Variants in PDE10A observed in about 807,000 individuals in gnomAD.
PDE10A encodes cAMP and cAMP-inhibited cGMP 3',5'-cyclic phosphodiesterase 10A.
In PDE10A, 39 loss-of-function variants were observed where a neutral mutation model predicts 97.7. That is an observed-to-expected ratio of 0.40 (90% CI 0.31 to 0.52). The LOEUF (loss-of-function observed/expected upper bound fraction) is 0.52. Among genes scored for constraint, PDE10A ranks in the 20% least tolerant of loss-of-function variants. The pLI is 0.56. For missense variants in PDE10A, 731 were observed against 1,047.8 expected, an observed-to-expected ratio of 0.70 and a Z score of 4.17; for synonymous variants, 371 against 376.8, an observed-to-expected ratio of 0.98 and a Z score of 0.18.
At position 165,748,805 on chromosome 6, in the gene PDE10A, AGTTTGTGTGTGT is replaced by A. The variant is rs938536747; in HGVS notation, c.-614-205249_-614-205238del. ...AAATCAGTGCCAAATTATAGAAAGA[AGTTTGTGTGTGT>A]GTGTGTGTGTGTGTGTGATTTCACT... On this transcript the variant is annotated intron_variant, in intron 1 of 19. Coordinates refer to the PDE10A transcript ENST00000366882. Among the ~76,000 whole-genome samples the A allele has an allele frequency of 1.6e-3, 206 of 128,400 alleles. 1 individual carries two copies. Among genetic ancestry groups the A allele is most frequent in the Non-Finnish European group, 2.3e-3 (145 of 63,844 alleles). 84.2% of individuals were successfully genotyped at this position (128,400 alleles called of 152,430 possible). A position where few individuals can be genotyped will look rare whatever the true frequency, so the allele number is the denominator to read the frequency against.
At chr6:165,723,749 G>A (rs1269279778) in intron 1 of PDE10A, among the ~76,000 whole-genome samples, 1 of 152,150 alleles carries the variant, frequency 6.6e-6, no homozygotes, top group African/African-American at 2.4e-5. Flanking sequence ...CTCTGTTTAC[G>A]ACATGAATTC....
chr6:165,674,541 C>T (rs1266961667), intron 1 of PDE10A, among the ~76,000 whole-genome samples: 2 of 152,134 alleles, frequency 1.3e-5, no homozygotes, highest in Admixed American at 6.5e-5. Flanking sequence ...AGCAAATGCC[C>T]GCCAACGACT....
At chr6:165,952,683 C>CG (rs1257037959) in intron 1 of PDE10A, among the ~76,000 whole-genome samples, 2 of 152,198 alleles carry the variant, frequency 1.3e-5, no homozygotes, top group Admixed American at 6.5e-5. Flanking sequence ...GGGCTCTGCA[C>CG]GGGACGGAAA....
rs372286815 is a variant in PDE10A, at chr6:165,525,074, A to G, written c.994+18366T>C. Among the ~76,000 whole-genome samples, 6 of 152,114 alleles carry G rather than the reference A, an allele frequency of 3.9e-5. No homozygotes were observed. In the East Asian group the frequency reaches 5.8e-4, roughly 15 times the overall value. Reference sequence around the variant, plus strand: ...AGGGAAAATGATGTTGATTCTCCTCAGGAGCCACCCCCAATACTCCTTTGC... The same window carrying G: ...AGGGAAAATGATGTTGATTCTCCTCGGGAGCCACCCCCAATACTCCTTTGC... On this transcript the variant is annotated intron_variant, in intron 2 of 21. Coordinates refer to ENST00000539869, the MANE Select transcript of PDE10A (RefSeq NM_001385079.1).
intron 1 of PDE10A, among the ~76,000 whole-genome samples, chr6:165,734,087 C>T (rs541240360): frequency 1.8e-4 from 27 of 152,272 alleles, no homozygotes; most frequent in African/African-American, 5.1e-4. Context: ...GAAAAATGAA[C>T]GTAGAAGGAC....
At chr6:165,887,860 A>T (rs1781670496) in intron 1 of PDE10A, among the ~76,000 whole-genome samples, 1 of 152,186 alleles carries the variant, frequency 6.6e-6, no homozygotes, top group South Asian at 2.1e-4. Context: ...AATTCCAATG[A>T]CATCATTACT....
At chr6:165,811,051 C>T (rs959699453) in intron 1 of PDE10A, among the ~76,000 whole-genome samples, 1 of 152,076 alleles carries the variant, frequency 6.6e-6, no homozygotes, top group South Asian at 2.1e-4. Context: ...TGGTGAAACC[C>T]CATCTCTACT....
chr6:165,619,739 C>CCAGTG (rs1788033491), intron 1 of PDE10A, among the ~76,000 whole-genome samples: 1 of 150,034 alleles, frequency 6.7e-6, no homozygotes, highest in Non-Finnish European at 1.5e-5. Context: ...GTAGTGTAGT[C>CCAGTG]TAGTGCAGTG....
intron 1 of PDE10A, among the ~76,000 whole-genome samples, chr6:165,619,412 G>A (rs1787952759): frequency 1.7e-5 from 2 of 119,124 alleles, no homozygotes; most frequent in East Asian, 2.3e-4. Context: ...GTGTAGTCTA[G>A]TGTAGTGTAG....
chr6:165,774,606 G>T (rs1778114488), intron 1 of PDE10A, among the ~76,000 whole-genome samples: 1 of 146,876 alleles, frequency 6.8e-6, no homozygotes, highest in Admixed American at 6.8e-5. Context: ...GTATATAAAA[G>T]TATATAATAT....
intron 9 of PDE10A, among the ~76,000 whole-genome samples, chr6:165,429,610 A>G (rs528701291): frequency 6.6e-6 from 1 of 152,200 alleles, no homozygotes; most frequent in African/African-American, 2.4e-5. Context: ...GAAAAACTAC[A>G]TTATTCCTTT....
chr6:165,388,233 A>G lies in PDE10A; in HGVS notation c.2610+65T>C. 6.8e-7 allele frequency: 1 copy of G among 1,473,976 alleles called. No homozygotes were observed. The highest frequency in any genetic ancestry group is 2.3e-5 in the East Asian group (1 of 43,968). The allele number at this position is 1,473,976 out of a possible 1,614,324, so 91.3% of individuals were successfully genotyped here. On this transcript the variant is annotated intron_variant, in intron 17 of 21. Transcript: ENST00000539869. This position sits in a 1 kb window ranked among gnomAD's most constrained non-coding sequence, Gnocchi z 4.0. Reference sequence around the variant, plus strand: ...CCATAATGATCTTCCTTTTCCACCTATGAAGTATCCCTATCTCCCAGACAG... The same window carrying G: ...CCATAATGATCTTCCTTTTCCACCTGTGAAGTATCCCTATCTCCCAGACAG...
intron 1 of PDE10A, among the ~76,000 whole-genome samples, chr6:165,898,961 A>C (rs1416432058): frequency 6.6e-6 from 1 of 152,102 alleles, no homozygotes; most frequent in African/African-American, 2.4e-5. Context: ...AAGTCATCTG[A>C]TCCAAAGGCC....
chr6:165,562,135 G>C (rs1385917353), intron 1 of PDE10A, among the ~76,000 whole-genome samples: 1 of 151,884 alleles, frequency 6.6e-6, no homozygotes, highest in African/African-American at 2.4e-5. Flanking sequence ...TAAATGACTA[G>C]ACCAGCATGA....
chr6:165,633,900 A>G (rs1788751585), intron 1 of PDE10A, among the ~76,000 whole-genome samples: 1 of 152,054 alleles, frequency 6.6e-6, no homozygotes, highest in Admixed American at 6.6e-5. Context: ...TCCATAATAG[A>G]TATTTTTGAA....
At chr6:165,742,546 G>A (rs1792752046) in intron 1 of PDE10A, among the ~76,000 whole-genome samples, 1 of 152,148 alleles carries the variant, frequency 6.6e-6, no homozygotes, top group African/African-American at 2.4e-5. Flanking sequence ...CTCACACAGA[G>A]ACAGCAGCAT....
intron 1 of PDE10A, among the ~76,000 whole-genome samples, chr6:165,760,317 G>T (rs370029045): frequency 4.9e-4 from 74 of 152,090 alleles, no homozygotes; most frequent in African/African-American, 1.7e-3. Context: ...CTCTCCCGCC[G>T]GCTCCTGGGT....
At chr6:165,648,114 G>A (rs1174411755) in intron 1 of PDE10A, among the ~76,000 whole-genome samples, 1 of 152,084 alleles carries the variant, frequency 6.6e-6, no homozygotes, top group African/African-American at 2.4e-5. Flanking sequence ...TCGGGTTCAC[G>A]CCATTCTCCT....
At chr6:165,894,586 C>A in intron 1 of PDE10A, 2 of 455,290 alleles carry the variant, frequency 4.4e-6, no homozygotes, top group Non-Finnish European at 8.8e-6. Context: ...AGAAGGACCA[C>A]AACCCTGTAC....
Sources: gnomAD v4.1 joint callset for allele counts (sites outside exome capture counted in the v4.1 genomes callset) on GRCh38, gnomAD v4.1.1 for gene constraint, Gnocchi (gnomAD v3.1) non-coding constraint, MANE v1.5 for transcripts, NCBI Gene and HGNC (gene_info 2026-07-23, HGNC 2026-07-21) for gene names.